The following COLQ variants were observed in gnomAD, a reference collection of about 807,000 sequenced individuals.
COLQ encodes the protein acetylcholinesterase collagenic tail peptide.
COLQ carries 48 observed loss-of-function variants against 69.0 expected under a neutral mutation model. The ratio of observed to expected loss-of-function variants is 0.70; its 90% confidence interval spans 0.55 to 0.88. COLQ has a LOEUF of 0.88. Among genes scored for constraint, COLQ ranks in the 40% least tolerant of loss-of-function variants. The pLI is 0.00. For missense variants in COLQ, 618 were observed against 594.6 expected, an observed-to-expected ratio of 1.04 and a Z score of -0.41; for synonymous variants, 217 against 211.2, an observed-to-expected ratio of 1.03 and a Z score of -0.24.
rs150553139 is a variant in COLQ, at chr3:15,453,639, C to T, written c.1298+190G>A. Among the ~76,000 whole-genome samples the T allele has an allele frequency of 2.6e-3, 390 of 152,278 alleles. 2 individuals are homozygous for T. Among genetic ancestry groups the T allele is most frequent in the African/African-American group, 9.1e-3 (380 of 41,542 alleles). ...GCCGTGGCTCAGTCTCAGTGGCACG[C>T]AGGCAGTGCTGACCAAGAGGGCACG... On this transcript the variant is annotated intron_variant, in intron 16 of 16. Coordinates refer to ENST00000383788, the MANE Select transcript of COLQ (RefSeq NM_005677.4).
intron 1 of COLQ, chr3:15,506,845 G>A (rs1037030108): frequency 3.3e-5 from 5 of 152,238 alleles, no homozygotes; most frequent in Admixed American, 1.3e-4. Context: ...AGATTCAAGC[G>A]ATCCTCCTGC....
intron 12 of COLQ, among the ~76,000 whole-genome samples, chr3:15,458,735 A>C (rs1251195699): frequency 1.3e-5 from 2 of 152,224 alleles, no homozygotes; most frequent in Non-Finnish European, 2.9e-5. Context: ...GGAGAAAAAC[A>C]ATGTCTTATT....
intron 1 of COLQ, among the ~76,000 whole-genome samples, chr3:15,492,535 T>C (rs987659294): frequency 5.3e-5 from 8 of 152,014 alleles, no homozygotes; most frequent in Admixed American, 1.3e-4. Context: ...GGCGTAGTGG[T>C]GGGCGCCTGT....
At chr3:15,489,826 G>A (rs1034437093) in intron 1 of COLQ, among the ~76,000 whole-genome samples, 189 bp from the exon 2 acceptor site, 1 of 152,218 alleles carries the variant, frequency 6.6e-6, no homozygotes, top group African/African-American at 2.4e-5. Context: ...GCCTTTGCTA[G>A]ATTAAGATGG....
At chr3:15,477,480 A>C in intron 5 of COLQ, 1 of 429,188 alleles carries the variant, frequency 2.3e-6, no homozygotes, top group East Asian at 4.8e-5. Context: ...CCCCACCCAA[A>C]AGTCCCCTGC....
At position 15,473,882 on chromosome 3, in the gene COLQ, T is replaced by A; in HGVS notation, c.636+118A>T. Reference sequence around the variant, plus strand: ...TGCTTCCCGTCCCAAAATAGAAGTTTCCATGGTTAAACCCACCATCCCTGC... The same window carrying A: ...TGCTTCCCGTCCCAAAATAGAAGTTACCATGGTTAAACCCACCATCCCTGC... On this transcript the variant is annotated intron_variant, in intron 10 of 16. Transcript: ENST00000383788. The surrounding 1 kb of genome is among the most constrained non-coding windows in gnomAD (Gnocchi z 4.0). The A allele has an allele frequency of 8.6e-7, 1 of 1,162,766 alleles. No homozygotes were observed. Among genetic ancestry groups the A allele is most frequent in the Non-Finnish European group, 1.3e-6 (1 of 789,022 alleles). 72.0% of individuals were successfully genotyped at this position (1,162,766 alleles called of 1,614,324 possible).
chr3:15,478,850 C>T (rs1358666933), intron 5 of COLQ, 127 bp downstream of exon 5: 1 of 1,117,736 alleles, frequency 8.9e-7, no homozygotes, highest in Non-Finnish European at 1.4e-6. Flanking sequence ...GACAGCAGCA[C>T]CATCACTGTC....
chr3:15,468,751 A>T (rs1043078953), intron 11 of COLQ, among the ~76,000 whole-genome samples: 8 of 151,914 alleles, frequency 5.3e-5, no homozygotes, highest in Admixed American at 4.6e-4. Context: ...TCTCAACTCA[A>T]CTCTCTGGAT....
intron 1 of COLQ, among the ~76,000 whole-genome samples, chr3:15,495,044 T>C (rs1209608330): frequency 6.6e-6 from 1 of 152,138 alleles, no homozygotes; most frequent in Non-Finnish European, 1.5e-5. Flanking sequence ...GTCATATAGC[T>C]AGTAAGTGAC....
At chr3:15,461,549 C>G (rs1270046963) in intron 12 of COLQ, among the ~76,000 whole-genome samples, 1 of 152,158 alleles carries the variant, frequency 6.6e-6, no homozygotes, top group Non-Finnish European at 1.5e-5. Context: ...CAGGCTCCCG[C>G]TTCCATTGGC....
chr3:15,477,451 T>G, intron 5 of COLQ: 1 of 498,486 alleles, frequency 2.0e-6, no homozygotes, highest in Non-Finnish European at 3.6e-6. Context: ...GTTTTTTAAT[T>G]TTTGTCACTT....
At position 15,509,792 on chromosome 3, in the gene COLQ, T is replaced by C. The variant is rs73146186; in HGVS notation, c.106+11728A>G. Among the ~76,000 whole-genome samples, 821 of 152,330 alleles carry C rather than the reference T, an allele frequency of 5.4e-3. 5 individuals carry two copies. Among genetic ancestry groups the C allele is most frequent in the African/African-American group, 0.018 (754 of 41,584 alleles). On this transcript the variant is annotated intron_variant, in intron 1 of 16. Coordinates refer to ENST00000383788, the MANE Select transcript of COLQ (RefSeq NM_005677.4). Reference sequence around the variant, plus strand: ...TTCTGAACCCAGACCTCCGGTTCCATAGCCTGTGCACTGGGATGTCCCCAA... The same window carrying C: ...TTCTGAACCCAGACCTCCGGTTCCACAGCCTGTGCACTGGGATGTCCCCAA...
intron 1 of COLQ, among the ~76,000 whole-genome samples, chr3:15,511,908 G>C (rs2062991320): frequency 6.6e-6 from 1 of 152,174 alleles, no homozygotes; most frequent in Non-Finnish European, 1.5e-5. Flanking sequence ...CCCTCATACG[G>C]GGGACAAGTC....
At chr3:15,458,830 T>TTTTCTTATATATATAGAA (rs1377621386) in intron 12 of COLQ, among the ~76,000 whole-genome samples, 1 of 152,056 alleles carries the variant, frequency 6.6e-6, no homozygotes, top group Non-Finnish European at 1.5e-5. Context: ...AAACTTTTGT[T>TTTTCTTATATATATAGAA]TTTCTTATAT....
intron 1 of COLQ, among the ~76,000 whole-genome samples, chr3:15,508,963 C>T (rs928509873): frequency 1.3e-5 from 2 of 151,866 alleles, no homozygotes; most frequent in Admixed American, 1.3e-4. Flanking sequence ...CCAGCCTGGG[C>T]AACATAGCTA....
chr3:15,498,467 A>C, intron 1 of COLQ: 1 of 1,495,422 alleles, frequency 6.7e-7, no homozygotes, highest in Non-Finnish European at 9.0e-7. Flanking sequence ...ATGCATGTGC[A>C]TCCACACACA....
chr3:15,481,721 T>G (rs2062487000), intron 3 of COLQ, among the ~76,000 whole-genome samples: 1 of 152,186 alleles, frequency 6.6e-6, no homozygotes, highest in Admixed American at 6.5e-5. Flanking sequence ...CCATATGAAG[T>G]TTAAAGTAGT....
In COLQ at chr3:15,473,912, T is replaced by C. The variant is rs2062332334; in HGVS notation, c.636+88A>G. ...GGTTAAACCCACCATCCCTGCCTGA[T>C]AGACAAGGAGGCAGAGTTCTTTTTG... On this transcript the variant is annotated intron_variant, in intron 10 of 16. Coordinates refer to ENST00000383788, the MANE Select transcript of COLQ (RefSeq NM_005677.4). The surrounding 1 kb of genome is among the most constrained non-coding windows in gnomAD (Gnocchi z 4.0). The C allele has an allele frequency of 6.4e-6, 9 of 1,416,800 alleles. No individual in the cohort carries two copies. The East Asian group carries it at 7.0e-5, about 11-fold the overall frequency. The allele number at this position is 1,416,800 out of a possible 1,614,324, so 87.8% of individuals were successfully genotyped here. A position where few individuals can be genotyped will look rare whatever the true frequency, so the allele number is the denominator to read the frequency against.
chr3:15,493,320 A>G (rs1009673635), intron 1 of COLQ, among the ~76,000 whole-genome samples: 28 of 152,258 alleles, frequency 1.8e-4, no homozygotes, highest in Non-Finnish European at 4.0e-4. Flanking sequence ...CTTCACTCAC[A>G]TGGGCTCTGG....
Sources: gnomAD v4.1 joint callset for allele counts (sites outside exome capture counted in the v4.1 genomes callset) on GRCh38, gnomAD v4.1.1 for gene constraint, Gnocchi (gnomAD v3.1) non-coding constraint, MANE v1.5 for transcripts, NCBI Gene and HGNC (gene_info 2026-07-23, HGNC 2026-07-21) for gene names.